Variants in WDR75 observed in about 807,000 individuals in gnomAD.
WDR75 encodes the protein WD repeat domain 75.
WDR75 carries 52 observed loss-of-function variants against 106.1 expected under a neutral mutation model. The observed-to-expected ratio is 0.49, with a 90% CI of 0.39 to 0.62. The LOEUF is 0.62. Ranked by LOEUF, WDR75 falls within the 20% of genes least tolerant of loss-of-function variation. The pLI, the probability that WDR75 is intolerant of heterozygous loss-of-function variation, is 0.00. For synonymous variants in WDR75, 333 were observed against 335.5 expected, an observed-to-expected ratio of 0.99 and a Z score of 0.08; for missense variants, 905 against 970.3, an observed-to-expected ratio of 0.93 and a Z score of 0.89.
At chr2:189,466,699 A>G in intron 13 of WDR75, 117 bp downstream of exon 13, 2 of 1,024,998 alleles carry the variant, frequency 2.0e-6, no homozygotes, top group East Asian at 2.7e-5. Flanking sequence ...ATTCTACAGG[A>G]TATTGCTTAA....
At position 189,441,545 on chromosome 2, in the gene WDR75, A is replaced by C; in HGVS notation, c.53A>C (p.Asn18Thr). 6.4e-7 allele frequency: 1 copy of C among 1,562,954 alleles called. No individual in the cohort carries two copies. Among genetic ancestry groups the C allele is most frequent in the Admixed American group, 1.9e-5 (1 of 52,678 alleles). Residue 18 changes from asparagine to threonine, a missense_variant, in exon 1 of 21, where the codon AAC becomes ACC. Coordinates refer to ENST00000314761, the MANE Select transcript of WDR75 (RefSeq NM_032168.3). ...GTTCGTTGTGGCGGCAGCGAGTTGAACTTTAGGAGAGCTGTGTTCTCTGCA... is the reference window on the plus strand; with the variant it reads ...GTTCGTTGTGGCGGCAGCGAGTTGACCTTTAGGAGAGCTGTGTTCTCTGCA... ...RVVRCGGSEL[N>T]FRRAVFSADS...
At chr2:189,446,380 G>A (rs1265028087) in intron 1 of WDR75, among the ~76,000 whole-genome samples, 2 of 152,186 alleles carry the variant, frequency 1.3e-5, no homozygotes, top group African/African-American at 4.8e-5. Context: ...GGCTGGAGAT[G>A]TTAAGCTTCT....
chr2:189,463,079 C>G (rs907554720), intron 9 of WDR75, among the ~76,000 whole-genome samples: 1 of 152,108 alleles, frequency 6.6e-6, no homozygotes, highest in African/African-American at 2.4e-5. Context: ...TTATATTTCT[C>G]CAAAACTTTG....
chr2:189,470,270 G>A (rs773465196), intron 17 of WDR75, 25 bp downstream of exon 17: 9 of 1,602,718 alleles, frequency 5.6e-6, no homozygotes, highest in South Asian at 4.5e-5. Flanking sequence ...CAAAAAAGGC[G>A]ATCACTTTGT....
intron 1 of WDR75, among the ~76,000 whole-genome samples, 191 bp downstream of exon 1, chr2:189,441,769 C>T (rs1469071460): frequency 6.6e-6 from 1 of 152,136 alleles, no homozygotes; most frequent in African/African-American, 2.4e-5. Flanking sequence ...GGGTTGCGTC[C>T]CCCGATTCCT....
intron 5 of WDR75, chr2:189,455,703 CAT>C (rs1156915268): frequency 7.7e-6 from 2 of 259,762 alleles, no homozygotes; most frequent in Admixed American, 1.0e-4. Context: ...TATGGCCTCC[CAT>C]ATGTTAATTA....
At position 189,457,320 on chromosome 2, in the gene WDR75, G is replaced by A. The variant is rs1221306369; in HGVS notation, c.508G>A (p.Val170Ile). Reference protein sequence around the residue: ...CIAFGNEGVYVAAVREFYLSV... With the variant: ...CIAFGNEGVYIAAVREFYLSV... ...CTTTTTGAAATACTAGGGAGTATAT[G>A]TTGCTGCAGTACGGGAATTTTACTT... The change falls in exon 6 of 21, where the codon GTT (valine) becomes ATT (isoleucine). Residue 170 changes from valine (V) to isoleucine (I), a missense_variant. By Grantham distance (29) the Val-to-Ile change is conservative. Transcript: ENST00000314761. The A allele has an allele frequency of 2.5e-6, 4 of 1,600,712 alleles. No homozygotes were observed. Among genetic ancestry groups the A allele is most frequent in the East Asian group, 2.2e-5 (1 of 44,716 alleles).
intron 12 of WDR75, among the ~76,000 whole-genome samples, chr2:189,466,209 T>C (rs1448635060): frequency 6.6e-6 from 1 of 152,164 alleles, no homozygotes; most frequent in Non-Finnish European, 1.5e-5. Context: ...CTACACAGAA[T>C]GTTCTCTAAA....
rs1686761430 is a variant in WDR75, at chr2:189,457,327, C to CATATAT, written c.516_517insTATATA (p.Ala172_Val173insTyrIle). 6.2e-7 allele frequency: 1 copy of CATATAT among 1,603,442 alleles called. No homozygotes were observed. The highest frequency in any genetic ancestry group is 1.7e-5 in the Admixed American group (1 of 59,534). Reference sequence around the variant, plus strand: ...AAATACTAGGGAGTATATGTTGCTGCAGTACGGGAATTTTACTTGTCTGTT... The same window carrying CATATAT: ...AAATACTAGGGAGTATATGTTGCTGCATATATAGTACGGGAATTTTACTTGTCTGTT... On this transcript the variant is annotated inframe_insertion, in exon 6 of 21. Coordinates refer to ENST00000314761, the MANE Select transcript of WDR75 (RefSeq NM_032168.3).
chr2:189,468,913 C>A (rs1257235601), intron 15 of WDR75, among the ~76,000 whole-genome samples: 1 of 152,172 alleles, frequency 6.6e-6, no homozygotes, highest in Non-Finnish European at 1.5e-5. Flanking sequence ...TTATCCCTGA[C>A]AGCTTAAATT....
At chr2:189,464,763 A>T (rs1013690559) in intron 11 of WDR75, among the ~76,000 whole-genome samples, 1 of 152,106 alleles carries the variant, frequency 6.6e-6, no homozygotes, top group African/African-American at 2.4e-5. Context: ...GTTTGTTCTT[A>T]GAAACAAAAG....
chr2:189,452,553 C>T (rs1255311763), intron 4 of WDR75, among the ~76,000 whole-genome samples: 1 of 142,594 alleles, frequency 7.0e-6, no homozygotes, highest in African/African-American at 2.7e-5. Flanking sequence ...GACTCTGTCT[C>T]CAAAAAAAAA....
At chr2:189,474,488 C>T (rs1001890709) in intron 19 of WDR75, among the ~76,000 whole-genome samples, 156 bp downstream of exon 19, 1 of 152,190 alleles carries the variant, frequency 6.6e-6, no homozygotes, top group Non-Finnish European at 1.5e-5. Context: ...ACCTTGTGAT[C>T]TGGGATTGTT....
At position 189,446,957 on chromosome 2, in the gene WDR75, A is replaced by G. The variant is rs10165458; in HGVS notation, c.87-1422A>G. 3.1e-3 allele frequency among the ~76,000 whole-genome samples: 477 copies of G among 152,288 alleles called. 2 individuals carry two copies. Among genetic ancestry groups the G allele is most frequent in the African/African-American group, 0.011 (448 of 41,558 alleles). ...GGATAGGATAAACTAGACAGTTTCT[A>G]CGTGACTAACGGGCAGGTGTGTCTA... is the stretch of plus-strand genomic sequence containing the variant. On this transcript the variant is annotated intron_variant, in intron 1 of 20. Transcript: ENST00000314761.
chr2:189,458,661 T>G (rs2105562157), intron 6 of WDR75, 92 bp from the exon 7 acceptor site: 1 of 1,141,536 alleles, frequency 8.8e-7, no homozygotes, highest in East Asian at 2.9e-5. Context: ...CAATTTTGGT[T>G]GCTATTGCTG....
intron 4 of WDR75, among the ~76,000 whole-genome samples, chr2:189,454,522 T>C (rs1342472952): frequency 6.8e-6 from 1 of 146,232 alleles, no homozygotes; most frequent in East Asian, 2.0e-4. Context: ...GATTTGTATT[T>C]CTTTTGTTTT....
chr2:189,449,158 A>T lies in WDR75; in HGVS notation c.216+650A>T, dbSNP rs566146156. 11 of 946,340 alleles carry T rather than the reference A, an allele frequency of 1.2e-5. No homozygotes were observed. The African/African-American group carries it at 1.7e-4, about 15-fold the overall frequency. 58.6% of individuals were successfully genotyped at this position (946,340 alleles called of 1,614,324 possible). On this transcript the variant is annotated intron_variant, in intron 2 of 20. Coordinates refer to ENST00000314761, the MANE Select transcript of WDR75 (RefSeq NM_032168.3). Reference sequence around the variant, plus strand: ...AAATGGTCATGTTAATTCTGTTCTTAAGTTTCGGCAAATCTACTAAAATTT... The same window carrying T: ...AAATGGTCATGTTAATTCTGTTCTTTAGTTTCGGCAAATCTACTAAAATTT...
intron 14 of WDR75, 142 bp from the exon 15 acceptor site, chr2:189,468,333 T>C (rs1574202892): frequency 1.5e-6 from 1 of 678,052 alleles, no homozygotes; most frequent in East Asian, 2.8e-5. Flanking sequence ...GACACTTTTT[T>C]CTTCAGGATA....
intron 19 of WDR75, 77 bp downstream of exon 19, chr2:189,474,409 A>T: frequency 1.3e-6 from 2 of 1,489,870 alleles, no homozygotes; most frequent in Non-Finnish European, 1.8e-6. Flanking sequence ...GACACAGTCA[A>T]TCTGTAATTT....
Sources: gnomAD v4.1 joint callset for allele counts (sites outside exome capture counted in the v4.1 genomes callset) on GRCh38, gnomAD v4.1.1 for gene constraint, MANE v1.5 for transcripts, NCBI Gene and HGNC (gene_info 2026-07-23, HGNC 2026-07-21) for gene names.